The following DGKB variants were observed in gnomAD, a reference collection of about 807,000 sequenced individuals.
The protein encoded by DGKB is diacylglycerol kinase beta, also known as 90 kDa diacylglycerol kinase.
Under a neutral mutation model 114.3 loss-of-function variants are expected in DGKB, and 67 were observed. The ratio of observed to expected loss-of-function variants is 0.59; its 90% CI spans 0.48 to 0.72. The LOEUF (loss-of-function observed/expected upper bound fraction) is 0.72. DGKB is among the 30% of genes least tolerant of loss of function. The pLI, the probability that DGKB is intolerant of heterozygous loss-of-function variation, is 0.00. For synonymous variants in DGKB, 398 were observed against 323.1 expected, an observed-to-expected ratio of 1.23 and a Z score of -2.49; for missense variants, 907 against 975.2, an observed-to-expected ratio of 0.93 and a Z score of 0.93.
At chr7:14,305,034 T>A (rs1804236048) in intron 23 of DGKB, among the ~76,000 whole-genome samples, 1 of 152,148 alleles carries the variant, frequency 6.6e-6, no homozygotes. Context: ...ATTTATGAGG[T>A]ACATATGATA....
intron 21 of DGKB, among the ~76,000 whole-genome samples, chr7:14,432,857 T>G (rs1451352591): frequency 1.3e-5 from 2 of 152,140 alleles, no homozygotes; most frequent in East Asian, 1.9e-4. Context: ...AACCTTTTTA[T>G]TTTAATGTCA....
intron 12 of DGKB, among the ~76,000 whole-genome samples, chr7:14,677,769 A>C (rs1360722966): frequency 6.6e-6 from 1 of 152,058 alleles, no homozygotes; most frequent in African/African-American, 2.4e-5. Context: ...AACTGAGGTG[A>C]ATATTTTGCC....
At chr7:14,922,968 C>A (rs578017191) in intron 1 of DGKB, among the ~76,000 whole-genome samples, 20 of 152,304 alleles carry the variant, frequency 1.3e-4, no homozygotes, top group African/African-American at 4.6e-4. Context: ...TTCAGTCTAA[C>A]TGAAACTTTG....
intron 25 of DGKB, among the ~76,000 whole-genome samples, chr7:14,165,989 G>T: frequency 6.6e-6 from 1 of 152,148 alleles, no homozygotes; most frequent in African/African-American, 2.4e-5. Context: ...TTAACGAACT[G>T]CTGACAATTT....
At chr7:14,573,665 A>C (rs1798707452) in intron 20 of DGKB, among the ~76,000 whole-genome samples, 1 of 152,110 alleles carries the variant, frequency 6.6e-6, no homozygotes, top group African/African-American at 2.4e-5. Flanking sequence ...TTTAATAACT[A>C]TTTCAACTGC....
chr7:14,276,689 A>T (rs950465701), intron 23 of DGKB, among the ~76,000 whole-genome samples: 1 of 151,994 alleles, frequency 6.6e-6, no homozygotes, highest in Non-Finnish European at 1.5e-5. Context: ...AATAGTAGTT[A>T]TTGATATTTA....
At chr7:14,729,207 C>T (rs1426401035) in intron 5 of DGKB, among the ~76,000 whole-genome samples, 1 of 147,506 alleles carries the variant, frequency 6.8e-6, no homozygotes, top group Non-Finnish European at 1.5e-5. Context: ...ACTGCAAGCT[C>T]CGCCTCCTGG....
At chr7:14,552,981 C>G (rs991550628) in intron 20 of DGKB, among the ~76,000 whole-genome samples, 5 of 152,174 alleles carry the variant, frequency 3.3e-5, no homozygotes, top group African/African-American at 1.2e-4. Context: ...CTGATAGTGA[C>G]GGCTTTGAGA....
chr7:14,348,161 GC>G (rs895783977), intron 21 of DGKB, among the ~76,000 whole-genome samples: 21 of 145,918 alleles, frequency 1.4e-4, no homozygotes, highest in African/African-American at 5.1e-4. Flanking sequence ...ACTTCTACCT[GC>G]CCCCACTCCC....
intron 2 of DGKB, among the ~76,000 whole-genome samples, chr7:14,829,328 T>C (rs951430269): frequency 2.0e-5 from 3 of 152,136 alleles, no homozygotes; most frequent in Admixed American, 1.3e-4. Context: ...ACTTGTATAA[T>C]CAGATAAAAG....
intron 17 of DGKB, among the ~76,000 whole-genome samples, chr7:14,592,138 T>G (rs1403288936): frequency 1.3e-5 from 2 of 151,774 alleles, no homozygotes; most frequent in Non-Finnish European, 2.9e-5. Context: ...TAAAATAATA[T>G]TTTTGATACT....
At chr7:14,559,776 C>T (rs528731035) in intron 20 of DGKB, among the ~76,000 whole-genome samples, 40 of 152,216 alleles carry the variant, frequency 2.6e-4, no homozygotes, top group Non-Finnish European at 5.6e-4. Context: ...GTGATAGCAG[C>T]TATTTAGTGA....
At chr7:14,445,159 T>A (rs573513311) in intron 21 of DGKB, among the ~76,000 whole-genome samples, 2 of 152,002 alleles carry the variant, frequency 1.3e-5, no homozygotes, top group African/African-American at 4.8e-5. Flanking sequence ...GTTCCTTTAT[T>A]CTTGCTCTTT....
intron 2 of DGKB, among the ~76,000 whole-genome samples, chr7:14,776,838 A>C (rs1431588101): frequency 6.6e-6 from 1 of 152,160 alleles, no homozygotes; most frequent in Non-Finnish European, 1.5e-5. Flanking sequence ...GAAGTGTGCC[A>C]CCATCCTCCA....
intron 2 of DGKB, among the ~76,000 whole-genome samples, chr7:14,794,941 T>C (rs1450524725): frequency 6.6e-6 from 1 of 152,112 alleles, no homozygotes; most frequent in Non-Finnish European, 1.5e-5. Flanking sequence ...TCTATAGTTA[T>C]AAAAGATTGG....
rs368251219 is a variant in DGKB, at chr7:14,492,953, A to G, written c.1771-14728T>C. ...TTTGCAAACATGGAACTATCCCTGT[A>G]TGCTTACATAGACATAACCATTTTT... is the stretch of plus-strand genomic sequence containing the variant. On this transcript the variant is annotated intron_variant, in intron 20 of 25. Transcript: ENST00000402815. 4.7e-4 allele frequency among the ~76,000 whole-genome samples: 71 copies of G among 152,230 alleles called. 2 individuals carry two copies. The highest frequency in any genetic ancestry group is 4.6e-3 in the East Asian group (24 of 5,188).
intron 2 of DGKB, among the ~76,000 whole-genome samples, chr7:14,828,296 C>G (rs1417653162): frequency 2.6e-5 from 4 of 151,936 alleles, no homozygotes; most frequent in Non-Finnish European, 1.5e-5. Context: ...TCTGAGCATC[C>G]CTGTGATTTC....
intron 17 of DGKB, among the ~76,000 whole-genome samples, chr7:14,606,389 A>G (rs960430596): frequency 1.3e-5 from 2 of 152,086 alleles, no homozygotes; most frequent in Non-Finnish European, 2.9e-5. Flanking sequence ...AACTGATCCC[A>G]GACAGCAGGC....
chr7:14,483,354 T>G (rs144710762), intron 20 of DGKB, among the ~76,000 whole-genome samples: 29 of 152,338 alleles, frequency 1.9e-4, no homozygotes, highest in African/African-American at 7.0e-4. Context: ...AATGGAGAGA[T>G]ATTTTACCTG....
Sources: allele counts gnomAD v4.1 joint callset (sites outside exome capture counted in the v4.1 genomes callset), GRCh38; gene constraint gnomAD v4.1.1; transcripts MANE v1.5; gene names NCBI Gene and HGNC (gene_info 2026-07-23, HGNC 2026-07-21).